The following STPG2 variants were observed in gnomAD, a reference collection of about 807,000 sequenced individuals.
STPG2 encodes sperm-tail PG-rich repeat-containing protein 2.
In STPG2, 56 loss-of-function variants were observed where a neutral mutation model predicts 54.2. The ratio of observed to expected loss-of-function variants is 1.03; its 90% confidence interval spans 0.83 to 1.29. STPG2 has a LOEUF of 1.29. Among genes scored for constraint, STPG2 ranks in the 50% most tolerant of loss-of-function variants. The pLI is 0.00. For synonymous variants in STPG2, 200 were observed against 181.8 expected (o/e 1.10, Z -0.81); for missense variants, 596 against 544.9 (o/e 1.09, Z -0.93).
intron 5 of STPG2, among the ~76,000 whole-genome samples, chr4:98,031,823 A>T (rs1368507044): frequency 6.6e-6 from 1 of 152,254 alleles, no homozygotes; most frequent in South Asian, 2.1e-4. Flanking sequence ...TACAATTGAC[A>T]GAGGACTAAT....
In STPG2 at chr4:97,715,293, T is replaced by A. The variant is rs191997328; in HGVS notation, c.1205-2479A>T. Among the ~76,000 whole-genome samples the A allele has an allele frequency of 1.3e-4, 20 of 152,300 alleles. No homozygotes were observed. In the East Asian group the frequency reaches 3.9e-3, roughly 29 times the overall value. On this transcript the variant is annotated intron_variant, in intron 9 of 10. Coordinates refer to ENST00000295268, the MANE Select transcript of STPG2 (RefSeq NM_174952.3). ...TAGATACCAAAATGTCACATTTTAATCACAGGTAATAAGGAAGAAAACTTC... is the reference window on the plus strand; with the variant it reads ...TAGATACCAAAATGTCACATTTTAAACACAGGTAATAAGGAAGAAAACTTC...
intron 8 of STPG2, among the ~76,000 whole-genome samples, chr4:97,912,558 A>G (rs1232629863): frequency 1.3e-5 from 2 of 152,202 alleles, no homozygotes; most frequent in African/African-American, 4.8e-5. Context: ...CAAGTGGAGG[A>G]AAGAATCTCA....
intron 9 of STPG2, among the ~76,000 whole-genome samples, chr4:97,729,063 T>TTC (rs57186071): frequency 0.059 from 7,321 of 124,852 alleles, 529 homozygotes; most frequent in East Asian, 0.34. Flanking sequence ...CCCCAAGAAT[T>TTC]TCTCTCTCTC....
At chr4:97,894,715 T>C (rs1031386224) in intron 8 of STPG2, among the ~76,000 whole-genome samples, 8 of 151,914 alleles carry the variant, frequency 5.3e-5, no homozygotes, top group Non-Finnish European at 1.2e-4. Flanking sequence ...AATTGAAATC[T>C]TCCTTGATCT....
intron 10 of STPG2, among the ~76,000 whole-genome samples, chr4:97,648,712 C>G (rs1721982306): frequency 6.6e-6 from 1 of 152,086 alleles, no homozygotes. Context: ...GTAATAATGT[C>G]TTCCTTATAT....
intron 9 of STPG2, among the ~76,000 whole-genome samples, chr4:97,804,878 G>A (rs547611438): frequency 2.0e-5 from 3 of 152,274 alleles, no homozygotes; most frequent in Admixed American, 6.5e-5. Context: ...ATAGTATTCA[G>A]TGCAGTGATA....
chr4:98,052,997 T>C (rs951218305), intron 5 of STPG2, among the ~76,000 whole-genome samples: 2 of 152,142 alleles, frequency 1.3e-5, no homozygotes, highest in African/African-American at 4.8e-5. Flanking sequence ...CACATCAAGA[T>C]ATACCTTACC....
chr4:97,709,000 C>T (rs1724034000), intron 10 of STPG2, among the ~76,000 whole-genome samples: 1 of 151,632 alleles, frequency 6.6e-6, no homozygotes, highest in Admixed American at 6.6e-5. Flanking sequence ...AAACTAATTG[C>T]ACTACAGATT....
At chr4:97,962,584 G>C (rs1265498082) in intron 7 of STPG2, among the ~76,000 whole-genome samples, 2 of 152,064 alleles carry the variant, frequency 1.3e-5, no homozygotes, top group South Asian at 2.1e-4. Flanking sequence ...CTGAGTCTTA[G>C]TTACACCTGT....
chr4:97,563,499 T>C (rs1053196580), intron 10 of STPG2, among the ~76,000 whole-genome samples: 4 of 152,036 alleles, frequency 2.6e-5, no homozygotes, highest in South Asian at 2.1e-4. Context: ...TGTGTTTGCT[T>C]TTGCTTTTCT....
intron 8 of STPG2, among the ~76,000 whole-genome samples, chr4:97,911,190 T>A (rs889639851): frequency 6.6e-6 from 1 of 152,086 alleles, no homozygotes; most frequent in Non-Finnish European, 1.5e-5. Context: ...GGGCCTTGGG[T>A]GAAAAGCACA....
intron 10 of STPG2, among the ~76,000 whole-genome samples, chr4:97,688,830 T>C (rs929730332): frequency 2.0e-5 from 3 of 152,150 alleles, no homozygotes; most frequent in Non-Finnish European, 4.4e-5. Context: ...ATTCACCAAA[T>C]AATAATTAAA....
In STPG2 at chr4:98,128,222, C is replaced by G. The variant is rs373297512; in HGVS notation, c.387+206G>C. Among the ~76,000 whole-genome samples the G allele has an allele frequency of 4.2e-3, 645 of 152,250 alleles. 3 individuals carry two copies. Among genetic ancestry groups the G allele is most frequent in the South Asian group, 0.025 (121 of 4,832 alleles). On this transcript the variant is annotated intron_variant, in intron 3 of 10. Transcript: ENST00000295268. ...CTCAGCATGAAGGAAAGTCACTTAA[C>G]GAGAATGTCCATGTGAATGAGGAAA...
At chr4:97,828,998 C>T (rs1400236918) in intron 9 of STPG2, among the ~76,000 whole-genome samples, 5 of 152,114 alleles carry the variant, frequency 3.3e-5, no homozygotes, top group Admixed American at 6.5e-5. Flanking sequence ...CAGCAGATCT[C>T]GAAGCACAGC....
At chr4:97,792,417 T>C (rs1727031435) in intron 9 of STPG2, among the ~76,000 whole-genome samples, 1 of 152,156 alleles carries the variant, frequency 6.6e-6, no homozygotes, top group Non-Finnish European at 1.5e-5. Flanking sequence ...CTCCGTGCTT[T>C]ACCTTTCAAA....
At chr4:97,885,503 G>A (rs574453067) in intron 8 of STPG2, among the ~76,000 whole-genome samples, 3 of 152,210 alleles carry the variant, frequency 2.0e-5, no homozygotes, top group East Asian at 1.9e-4. Context: ...ATATTCAATT[G>A]ACCACATTAA....
In STPG2 at chr4:98,026,124, A is replaced by C. The variant is rs1736411801; in HGVS notation, c.613-44806T>G. On this transcript the variant is annotated intron_variant, in intron 5 of 10. Coordinates refer to ENST00000295268, the MANE Select transcript of STPG2 (RefSeq NM_174952.3). ...AAAGCTCATGCTGCTATACGAGAGA[A>C]TCCAGTCTATGAAAAGAAGCCCAAG... 2.7e-6 allele frequency: 4 copies of C among 1,463,446 alleles called. No individual in the cohort carries two copies. In the Middle Eastern group the frequency reaches 9.9e-4, roughly 364 times the overall value. 90.7% of individuals were successfully genotyped at this position (1,463,446 alleles called of 1,614,324 possible). A position where few individuals can be genotyped will look rare whatever the true frequency, so the allele number is the denominator to read the frequency against.
At chr4:97,950,516 G>T (rs929101303) in intron 7 of STPG2, among the ~76,000 whole-genome samples, 6 of 151,462 alleles carry the variant, frequency 4.0e-5, no homozygotes, top group Admixed American at 3.9e-4. Context: ...TCTTTATGTT[G>T]GTTTTCACCT....
intron 9 of STPG2, among the ~76,000 whole-genome samples, chr4:97,765,628 T>G (rs1726018997): frequency 6.6e-6 from 1 of 152,134 alleles, no homozygotes; most frequent in Non-Finnish European, 1.5e-5. Context: ...AACCAATAGC[T>G]GATGTTTTAT....
Sources: gnomAD v4.1 joint callset for allele counts (sites outside exome capture counted in the v4.1 genomes callset) on GRCh38, gnomAD v4.1.1 for gene constraint, MANE v1.5 for transcripts, NCBI Gene and HGNC (gene_info 2026-07-23, HGNC 2026-07-21) for gene names.